Variants in HDGFL3 observed in about 807,000 individuals in gnomAD.
The protein encoded by HDGFL3 is hepatoma-derived growth factor-related protein 3.
Under a neutral mutation model 27.6 loss-of-function variants are expected in HDGFL3, and 6 were observed. That is an observed-to-expected ratio of 0.22 (90% CI 0.12 to 0.43). HDGFL3 has a LOEUF of 0.43. HDGFL3 is among the 20% of genes least tolerant of loss of function. HDGFL3 has a pLI of 1.00. For missense variants in HDGFL3, 207 were observed against 250.1 expected (o/e 0.83, Z 1.16); for synonymous variants, 88 against 88.9 (o/e 0.99, Z 0.05).
chr15:83,165,530 A>G (rs1167941865), intron 1 of HDGFL3, among the ~76,000 whole-genome samples: 2 of 152,102 alleles, frequency 1.3e-5, no homozygotes, highest in Admixed American at 6.6e-5. Context: ...CCCACCTCTT[A>G]TCAACTGACT....
chr15:83,142,498 G>T (rs938556276), intron 5 of HDGFL3, among the ~76,000 whole-genome samples: 11 of 152,074 alleles, frequency 7.2e-5, no homozygotes, highest in African/African-American at 2.7e-4. Flanking sequence ...CACAAAGAGG[G>T]GAACAATGGA....
chr15:83,116,355 T>A (rs1259418505), intron 3 of HDGFL3, among the ~76,000 whole-genome samples: 2 of 152,246 alleles, frequency 1.3e-5, no homozygotes, highest in African/African-American at 4.8e-5. Context: ...TTGTGATGGC[T>A]TGCACTCTCC....
chr15:83,117,973 T>G (rs2034831607), intron 3 of HDGFL3, among the ~76,000 whole-genome samples: 1 of 151,982 alleles, frequency 6.6e-6, no homozygotes, highest in Non-Finnish European at 1.5e-5. Flanking sequence ...GCAATAAAGT[T>G]GATAGATTTG....
downstream of HDGFL3, chr15:83,127,220 TAA>T (rs59121495): frequency 4.8e-3 from 3,076 of 637,984 alleles, no homozygotes; most frequent in East Asian, 5.9e-3. Flanking sequence ...AAAATAAAAG[TAA>T]AAAAAAAAAA....
chr15:83,147,187 C>T (rs944471220), intron 5 of HDGFL3, among the ~76,000 whole-genome samples: 12 of 152,010 alleles, frequency 7.9e-5, no homozygotes, highest in African/African-American at 2.9e-4. Flanking sequence ...CTCAGCCTCC[C>T]GAGTAGTTGG....
rs1226152423 is a variant in HDGFL3 at position 83,136,590 on chromosome 15, T to A, written c.*2680A>T. 1.2e-6 allele frequency: 2 copies of A among 1,613,762 alleles called. No individual in the cohort carries two copies. The highest frequency in any genetic ancestry group is 4.5e-5 in the East Asian group (2 of 44,870). On this transcript the variant is annotated 3_prime_UTR_variant, in exon 6 of 6. Coordinates refer to ENST00000299633, the MANE Select transcript of HDGFL3 (RefSeq NM_016073.4). ...TTAGCATTAAACATAGCATATGGAG[T>A]TCTTCCTCAGCTCTTGGCCTATCGT...
chr15:83,196,739 A>T (rs2037574906), intron 1 of HDGFL3, among the ~76,000 whole-genome samples: 1 of 152,202 alleles, frequency 6.6e-6, no homozygotes, highest in African/African-American at 2.4e-5. Context: ...AATAGAATTG[A>T]TTAACAAAAA....
chr15:83,185,560 C>G (rs772007279), intron 1 of HDGFL3, among the ~76,000 whole-genome samples: 1 of 152,108 alleles, frequency 6.6e-6, no homozygotes, highest in African/African-American at 2.4e-5. Flanking sequence ...AAAGAGGCTA[C>G]CCGGAGGCGA....
chr15:83,180,957 A>G (rs1160465892), intron 1 of HDGFL3: 1 of 152,018 alleles, frequency 6.6e-6, no homozygotes. Context: ...TGAAAAGAAC[A>G]CTGTTAAAAG....
rs1339768032 is a variant in HDGFL3 at position 83,129,135 on chromosome 15, CAGTT to C, written c.*10131_*10134del. 6.6e-5 allele frequency: 10 copies of C among 152,286 alleles called. No individual in the cohort carries two copies. The highest frequency in any genetic ancestry group is 2.4e-4 in the African/African-American group (10 of 41,554). 9.4% of individuals were successfully genotyped at this position (152,286 alleles called of 1,614,324 possible). On this transcript the variant is annotated 3_prime_UTR_variant, in exon 6 of 6. Coordinates refer to ENST00000299633, the MANE Select transcript of HDGFL3 (RefSeq NM_016073.4). The stretch of plus-strand genomic sequence containing the variant: ...GTGAGCCACCACACCCAACCAGGTC[CAGTT>C]AGTTTTACTCCAGTGATTCTCCAAC...
At chr15:83,204,945 C>T (rs2037698406) in intron 1 of HDGFL3, among the ~76,000 whole-genome samples, 1 of 152,166 alleles carries the variant, frequency 6.6e-6, no homozygotes. Context: ...AGTTGCTTCT[C>T]CATTCCTGTA....
At chr15:83,159,975 A>G (rs973634207) in intron 2 of HDGFL3, among the ~76,000 whole-genome samples, 1 of 152,208 alleles carries the variant, frequency 6.6e-6, no homozygotes, top group African/African-American at 2.4e-5. Context: ...GCTGTACTGA[A>G]AACAGACTGA....
chr15:83,117,175 A>T (rs1029837445), intron 3 of HDGFL3, among the ~76,000 whole-genome samples: 5 of 152,096 alleles, frequency 3.3e-5, no homozygotes, highest in African/African-American at 7.2e-5. Flanking sequence ...TGGACCAGGG[A>T]GGTAGGGGGA....
intron 1 of HDGFL3, among the ~76,000 whole-genome samples, chr15:83,174,707 G>A (rs1477448205): frequency 2.0e-5 from 3 of 152,134 alleles, no homozygotes; most frequent in Non-Finnish European, 2.9e-5. Flanking sequence ...TATGTGATAG[G>A]CACTGAATTA....
chr15:83,152,701 A>C (rs1346103222), intron 4 of HDGFL3, among the ~76,000 whole-genome samples: 4 of 150,988 alleles, frequency 2.6e-5, no homozygotes, highest in African/African-American at 9.7e-5. Flanking sequence ...AAAAAAAAAC[A>C]AAAAAAGAGA....
chr15:83,207,477 C>T lies in HDGFL3; in HGVS notation c.-63G>A. Reference sequence around the variant, plus strand: ...CGAAGATGCCGGGAGGCCGCCCCCCCGCGGGCCGACGAATTGCGCCGCGCT... The same window carrying T: ...CGAAGATGCCGGGAGGCCGCCCCCCTGCGGGCCGACGAATTGCGCCGCGCT... On this transcript the variant is annotated 5_prime_UTR_variant, in exon 1 of 6. Transcript: ENST00000299633. The surrounding 1 kb of genome is among the most constrained non-coding windows in gnomAD (Gnocchi z 4.8). 2.5e-6 allele frequency: 3 copies of T among 1,193,680 alleles called. No homozygotes were observed. The highest frequency in any genetic ancestry group is 3.2e-6 in the Non-Finnish European group (3 of 942,234). The allele number at this position is 1,193,680 out of a possible 1,614,324, so 73.9% of individuals were successfully genotyped here. A position where few individuals can be genotyped will look rare whatever the true frequency, so the allele number is the denominator to read the frequency against.
At chr15:83,201,128 T>C (rs2151423171) in intron 1 of HDGFL3, among the ~76,000 whole-genome samples, 1 of 152,260 alleles carries the variant, frequency 6.6e-6, no homozygotes, top group African/African-American at 2.4e-5. Context: ...GGACCACTAT[T>C]GACCTTTAAA....
At chr15:83,145,162 A>G (rs1235046512) in intron 5 of HDGFL3, among the ~76,000 whole-genome samples, 1 of 151,994 alleles carries the variant, frequency 6.6e-6, no homozygotes, top group East Asian at 1.9e-4. Flanking sequence ...GCTTTTTATC[A>G]TTATGCCCTT....
intron 1 of HDGFL3, among the ~76,000 whole-genome samples, chr15:83,165,904 G>A (rs1187970814): frequency 6.7e-6 from 1 of 149,996 alleles, no homozygotes; most frequent in Non-Finnish European, 1.5e-5. Context: ...CAAAAATAAA[G>A]GAAAAAGAAT....
Sources: allele counts gnomAD v4.1 joint callset (sites outside exome capture counted in the v4.1 genomes callset), GRCh38; gene constraint gnomAD v4.1.1; non-coding constraint Gnocchi (gnomAD v3.1); transcripts MANE v1.5; gene names NCBI Gene and HGNC (gene_info 2026-07-23, HGNC 2026-07-21).